PPP6R3: variants seen among roughly 807,000 people sequenced by gnomAD.
PPP6R3 encodes serine/threonine-protein phosphatase 6 regulatory subunit 3.
In PPP6R3, 38 loss-of-function variants were observed where a neutral mutation model predicts 110.7. The observed-to-expected ratio is 0.34, with a 90% CI of 0.26 to 0.45. The LOEUF is 0.45. Ranked by LOEUF, PPP6R3 falls within the 20% of genes least tolerant of loss-of-function variation. The pLI, the probability that PPP6R3 is intolerant of heterozygous loss-of-function variation, is 1.00. For missense variants in PPP6R3, 870 were observed against 1,062.4 expected (o/e 0.82, Z 2.52); for synonymous variants, 369 against 373.5 (o/e 0.99, Z 0.14).
At chr11:68,576,940 G>A (rs1191773916) in intron 14 of PPP6R3, among the ~76,000 whole-genome samples, 3 of 152,214 alleles carry the variant, frequency 2.0e-5, no homozygotes, top group Non-Finnish European at 4.4e-5. Flanking sequence ...TCACTCCCTG[G>A]AGGGCTGTGC....
intron 1 of PPP6R3, among the ~76,000 whole-genome samples, chr11:68,475,868 C>T (rs561223666): frequency 2.0e-4 from 29 of 147,048 alleles, no homozygotes; most frequent in Admixed American, 4.1e-4. Context: ...GATGGGATCG[C>T]GGACGGGCAG....
At chr11:68,579,929 A>G (rs535081099) in intron 14 of PPP6R3, among the ~76,000 whole-genome samples, 157 of 152,334 alleles carry the variant, frequency 1.0e-3, no homozygotes, top group Non-Finnish European at 1.9e-3. Flanking sequence ...TGTTCGCATG[A>G]TGACAGAATT....
intron 1 of PPP6R3, among the ~76,000 whole-genome samples, chr11:68,462,608 T>A (rs2098716063): frequency 6.6e-6 from 1 of 152,186 alleles, no homozygotes; most frequent in African/African-American, 2.4e-5. Flanking sequence ...GCAAAGATAG[T>A]TTGGGAAATA....
chr11:68,557,581 C>T (rs1359326867), intron 7 of PPP6R3, among the ~76,000 whole-genome samples: 10 of 152,098 alleles, frequency 6.6e-5, no homozygotes, highest in Middle Eastern at 3.4e-3. Context: ...TGCAGTGGCG[C>T]GATCTCAGCT....
chr11:68,470,985 G>GA (rs1341741179), intron 1 of PPP6R3, among the ~76,000 whole-genome samples: 1 of 151,946 alleles, frequency 6.6e-6, no homozygotes, highest in Non-Finnish European at 1.5e-5. Context: ...GCTGCAGATA[G>GA]AAATAGGAGT....
chr11:68,575,950 C>A lies in PPP6R3; in HGVS notation c.1460-8C>A. 6.2e-7 allele frequency: 1 copy of A among 1,601,424 alleles called. No individual in the cohort carries two copies. Among genetic ancestry groups the A allele is most frequent in the Non-Finnish European group, 8.5e-7 (1 of 1,170,740 alleles). ...TGATAATGCTTTTTTGCTTTTCTCA[C>A]TCTGAAGATCTTCCCGACGAAGTCA... On this transcript the variant is annotated splice_region_variant and splice_polypyrimidine_tract_variant and intron_variant, in intron 13 of 23. Coordinates refer to ENST00000393800, the MANE Select transcript of PPP6R3 (RefSeq NM_001164161.2).
intron 2 of PPP6R3, among the ~76,000 whole-genome samples, chr11:68,521,829 T>C (rs1376653213): frequency 6.6e-6 from 1 of 152,218 alleles, no homozygotes; most frequent in Non-Finnish European, 1.5e-5. Context: ...CAGCTCTCTC[T>C]TACTAGTGAG....
At chr11:68,551,321 T>G in intron 6 of PPP6R3, 135 bp downstream of exon 6, 2 of 659,782 alleles carry the variant, frequency 3.0e-6, no homozygotes, top group Non-Finnish European at 5.0e-6. Flanking sequence ...TCTAGTGTTC[T>G]TAAAGTTGAT....
At chr11:68,603,855 T>C (rs573137511) in intron 22 of PPP6R3, among the ~76,000 whole-genome samples, 1 of 152,316 alleles carries the variant, frequency 6.6e-6, no homozygotes, top group East Asian at 1.9e-4. Context: ...CCTTTACTTA[T>C]TTTCAGTAAC....
At chr11:68,555,269 A>G (rs148910026) in intron 7 of PPP6R3, among the ~76,000 whole-genome samples, 2 of 152,282 alleles carry the variant, frequency 1.3e-5, no homozygotes, top group Non-Finnish European at 2.9e-5. Context: ...CATATAAGAC[A>G]CCCCACATTC....
intron 22 of PPP6R3, among the ~76,000 whole-genome samples, chr11:68,608,173 C>G (rs1450778438): frequency 6.6e-6 from 1 of 151,872 alleles, no homozygotes; most frequent in East Asian, 1.9e-4. Flanking sequence ...AAAAAAACAT[C>G]TGTAGTAGCT....
intron 14 of PPP6R3, 29 bp downstream of exon 14, chr11:68,576,072 C>T (rs1362525312): frequency 1.3e-6 from 2 of 1,481,580 alleles, no homozygotes. Context: ...CATTTTTATT[C>T]TTTCAGTGCT....
At chr11:68,557,367 A>C (rs1475344099) in intron 7 of PPP6R3, among the ~76,000 whole-genome samples, 2 of 152,166 alleles carry the variant, frequency 1.3e-5, no homozygotes, top group South Asian at 4.2e-4. Context: ...TTCCTGCCCT[A>C]CGTTGGCAAG....
chr11:68,595,455 G>T (rs1338666795), intron 18 of PPP6R3, among the ~76,000 whole-genome samples: 1 of 151,896 alleles, frequency 6.6e-6, no homozygotes, highest in Non-Finnish European at 1.5e-5. Flanking sequence ...ACCTCAGGTG[G>T]TCTGCCCGCC....
At chr11:68,530,529 T>TAA (rs1360967664) in intron 2 of PPP6R3, among the ~76,000 whole-genome samples, 1 of 152,230 alleles carries the variant, frequency 6.6e-6, no homozygotes, top group Non-Finnish European at 1.5e-5. Flanking sequence ...AGAAATATCT[T>TAA]ATGTGTGTTT....
At chr11:68,482,444 T>C (rs551358400) in intron 1 of PPP6R3, among the ~76,000 whole-genome samples, 15 of 151,414 alleles carry the variant, frequency 9.9e-5, no homozygotes, top group African/African-American at 2.9e-4. Flanking sequence ...CTCTTTCCCA[T>C]AGAAAATGAC....
intron 2 of PPP6R3, among the ~76,000 whole-genome samples, chr11:68,534,206 CG>C (rs1289030962): frequency 6.6e-6 from 1 of 152,066 alleles, no homozygotes; most frequent in Admixed American, 6.6e-5. Context: ...GTGGGGTAGA[CG>C]TTGGGTGGAT....
At chr11:68,597,817 G>GA (rs10690649) in intron 19 of PPP6R3, among the ~76,000 whole-genome samples, 5,617 of 119,302 alleles carry the variant, frequency 0.047, 227 homozygotes, top group East Asian at 0.18. Context: ...TGTCTCTACT[G>GA]AAAAAAAAAA....
chr11:68,576,122 C>A, intron 14 of PPP6R3, 79 bp downstream of exon 14: 1 of 1,078,148 alleles, frequency 9.3e-7, no homozygotes. Context: ...TGTAAAAGAT[C>A]TTCCATTTAC....
Sources: gnomAD v4.1 joint callset for allele counts (sites outside exome capture counted in the v4.1 genomes callset) on GRCh38, gnomAD v4.1.1 for gene constraint, MANE v1.5 for transcripts, NCBI Gene and HGNC (gene_info 2026-07-23, HGNC 2026-07-21) for gene names.